Variants in SLC44A1 observed in about 807,000 individuals in gnomAD.
SLC44A1 encodes the protein solute carrier family 44 member 1, also known as choline transporter-like protein 1.
Under a neutral mutation model 79.3 loss-of-function variants are expected in SLC44A1, and 26 were observed. The observed-to-expected ratio is 0.33, with a 90% CI of 0.24 to 0.46. The LOEUF is 0.46. SLC44A1 is among the 20% of genes least tolerant of loss of function. SLC44A1 has a pLI of 1.00. For missense variants in SLC44A1, 688 were observed against 798.1 expected, an observed-to-expected ratio of 0.86 and a Z score of 1.66; for synonymous variants, 263 against 286.2, an observed-to-expected ratio of 0.92 and a Z score of 0.82.
At chr9:105,261,391 C>T (rs1339238710) in intron 1 of SLC44A1, among the ~76,000 whole-genome samples, 1 of 152,162 alleles carries the variant, frequency 6.6e-6, no homozygotes, top group African/African-American at 2.4e-5. Context: ...TCTTCTGGCC[C>T]ATTTTCTCAG....
chr9:105,246,242 C>T (rs533963662), intron 1 of SLC44A1, among the ~76,000 whole-genome samples: 1 of 152,256 alleles, frequency 6.6e-6, no homozygotes, highest in Non-Finnish European at 1.5e-5. Flanking sequence ...ATATATAACT[C>T]AGTTTTAAAT....
At chr9:105,299,162 C>T in intron 1 of SLC44A1, 58 bp from the exon 2 acceptor site, 1 of 1,275,400 alleles carries the variant, frequency 7.8e-7, no homozygotes, top group South Asian at 1.3e-5. Context: ...TATTTGTGCC[C>T]TTCTAACTTT....
intron 9 of SLC44A1, among the ~76,000 whole-genome samples, chr9:105,364,205 C>A (rs905798601): frequency 6.6e-6 from 1 of 152,038 alleles, no homozygotes; most frequent in Non-Finnish European, 1.5e-5. Flanking sequence ...ATAATAATTT[C>A]TGTACTTTGC....
chr9:105,256,626 GATCTC>G (rs1468525073), intron 1 of SLC44A1, among the ~76,000 whole-genome samples: 1 of 150,360 alleles, frequency 6.7e-6, no homozygotes, highest in African/African-American at 2.4e-5. Context: ...GCGGTGGTGA[GATCTC>G]AGCTCACTGC....
chr9:105,324,126 C>G (rs370734618), intron 3 of SLC44A1, among the ~76,000 whole-genome samples: 1 of 151,624 alleles, frequency 6.6e-6, no homozygotes, highest in African/African-American at 2.4e-5. Context: ...CTCAGCCTCC[C>G]GAGTAGCTGG....
intron 3 of SLC44A1, among the ~76,000 whole-genome samples, chr9:105,323,077 G>T (rs1005217468): frequency 6.7e-6 from 1 of 150,276 alleles, no homozygotes; most frequent in African/African-American, 2.4e-5. Flanking sequence ...ACCACCAGGC[G>T]TGGTGGCGGG....
chr9:105,333,669 G>T (rs1329466544), intron 3 of SLC44A1, among the ~76,000 whole-genome samples: 1 of 152,136 alleles, frequency 6.6e-6, no homozygotes, highest in Non-Finnish European at 1.5e-5. Context: ...AATTAGCCGG[G>T]TGTGGTAGTA....
intron 3 of SLC44A1, among the ~76,000 whole-genome samples, chr9:105,314,049 C>T (rs1469368701): frequency 6.6e-6 from 1 of 152,084 alleles, no homozygotes; most frequent in Non-Finnish European, 1.5e-5. Flanking sequence ...CAGGCGTGCA[C>T]GACTGCGCCC....
intron 3 of SLC44A1, among the ~76,000 whole-genome samples, chr9:105,321,037 A>G (rs12344346): frequency 0.29 from 44,115 of 152,044 alleles, 8,214 homozygotes; most frequent in African/African-American, 0.54. Flanking sequence ...TTTCTTAGTG[A>G]CATCTTTTGA....
chr9:105,417,488 T>C (rs1374393672), intron 15 of SLC44A1, among the ~76,000 whole-genome samples: 1 of 152,146 alleles, frequency 6.6e-6, no homozygotes, highest in Non-Finnish European at 1.5e-5. Context: ...TGGAATCTGA[T>C]GGACTTGAGT....
chr9:105,377,967 G>A (rs779427478), intron 13 of SLC44A1, among the ~76,000 whole-genome samples: 2 of 152,120 alleles, frequency 1.3e-5, no homozygotes, highest in Non-Finnish European at 2.9e-5. Context: ...CTAGTAGAGG[G>A]CCGGGCACGG....
intron 1 of SLC44A1, among the ~76,000 whole-genome samples, chr9:105,295,314 T>C (rs776331054): frequency 4.6e-5 from 7 of 152,248 alleles, no homozygotes; most frequent in Non-Finnish European, 1.0e-4. Context: ...ATTTTGGTAC[T>C]ATTCAGTTCC....
At position 105,391,991 on chromosome 9, in the gene SLC44A1, TC is replaced by T. The variant is rs1356687257; in HGVS notation, c.*2936del. 1.0e-6 allele frequency: 1 copy of T among 985,280 alleles called. No homozygotes were observed. Among genetic ancestry groups the T allele is most frequent in the East Asian group, 1.1e-4 (1 of 8,816 alleles). The allele number at this position is 985,280 out of a possible 1,614,324, so 61.0% of individuals were successfully genotyped here. A position where few individuals can be genotyped will look rare whatever the true frequency, so the allele number is the denominator to read the frequency against. On this transcript the variant is annotated 3_prime_UTR_variant, in exon 16 of 16. Coordinates refer to ENST00000374720, the MANE Select transcript of SLC44A1 (RefSeq NM_080546.5). ...AGGCTCTGGTGCATAATTTAGACTTTCTAAGCTCCTGCCTGAAGAATAAGGT... is the reference window on the plus strand; with the variant it reads ...AGGCTCTGGTGCATAATTTAGACTTTTAAGCTCCTGCCTGAAGAATAAGGT...
intron 3 of SLC44A1, among the ~76,000 whole-genome samples, chr9:105,318,633 T>C (rs1321641616): frequency 1.3e-5 from 2 of 152,176 alleles, no homozygotes; most frequent in African/African-American, 2.4e-5. Context: ...TTAAACTCTT[T>C]ACAAAGGTAA....
At chr9:105,340,065 A>G (rs1280661234) in intron 4 of SLC44A1, among the ~76,000 whole-genome samples, 1 of 152,194 alleles carries the variant, frequency 6.6e-6, no homozygotes, top group African/African-American at 2.4e-5. Flanking sequence ...GTTGTGGTTC[A>G]ATGACTAGAG....
At chr9:105,271,301 C>G (rs1415640485) in intron 1 of SLC44A1, among the ~76,000 whole-genome samples, 1 of 152,214 alleles carries the variant, frequency 6.6e-6, no homozygotes, top group East Asian at 1.9e-4. Flanking sequence ...CAAACCCTTA[C>G]TCTCATTTAT....
At chr9:105,302,470 G>A (rs1487358678) in intron 2 of SLC44A1, among the ~76,000 whole-genome samples, 3 of 150,990 alleles carry the variant, frequency 2.0e-5, no homozygotes, top group African/African-American at 7.3e-5. Context: ...TTCCTGCCTC[G>A]GCCTCCTGAG....
intron 15 of SLC44A1, among the ~76,000 whole-genome samples, chr9:105,414,641 A>C (rs1829143511): frequency 6.6e-6 from 1 of 152,136 alleles, no homozygotes; most frequent in African/African-American, 2.4e-5. Flanking sequence ...TGTGTTTAAA[A>C]TCATAGTAGT....
rs1304093790 is a variant in SLC44A1 at position 105,389,080 on chromosome 9, C to A, written c.*24C>A. 3.1e-6 allele frequency: 5 copies of A among 1,612,516 alleles called. No individual in the cohort carries two copies. The South Asian group carries it at 4.4e-5, about 14-fold the overall frequency. On this transcript the variant is annotated 3_prime_UTR_variant, in exon 16 of 16. Transcript: ENST00000374720. ...GAACCTAGCCGACGGTTATGGAAAC[C>A]CATTGACATTCCAAAACAATATATA...
Sources: gnomAD v4.1 joint callset for allele counts (sites outside exome capture counted in the v4.1 genomes callset) on GRCh38, gnomAD v4.1.1 for gene constraint, MANE v1.5 for transcripts, NCBI Gene and HGNC (gene_info 2026-07-23, HGNC 2026-07-21) for gene names.